TIAM1: variants seen among roughly 807,000 people sequenced by gnomAD.
TIAM1 encodes the protein TIAM Rac1 associated GEF 1.
A neutral mutation model predicts 163.5 loss-of-function variants in TIAM1; 65 were observed. The observed-to-expected ratio is 0.40, with a 90% CI of 0.33 to 0.49. TIAM1 has a LOEUF of 0.49. Ranked by LOEUF, TIAM1 falls within the 20% of genes least tolerant of loss-of-function variation. The probability of loss-of-function intolerance (pLI) is 0.77; values close to 1 mark genes in which losing one functional copy is unlikely to be tolerated. For synonymous variants in TIAM1, 833 were observed against 810.1 expected (o/e 1.03, Z -0.48); for missense variants, 1,789 against 2,044.7 (o/e 0.87, Z 2.41).
At chr21:31,128,524 GGC>G (rs2082293932) in intron 25 of TIAM1, among the ~76,000 whole-genome samples, 1 of 152,068 alleles carries the variant, frequency 6.6e-6, no homozygotes, top group Non-Finnish European at 1.5e-5. Flanking sequence ...TTGTAAACCT[GGC>G]ATGAGGAAAC....
intron 3 of TIAM1, among the ~76,000 whole-genome samples, chr21:31,273,983 G>A (rs563803392): frequency 6.6e-5 from 10 of 152,272 alleles, no homozygotes; most frequent in African/African-American, 2.4e-4. Context: ...CTGGGGGGCC[G>A]AGGTAGTTGG....
rs1209010040 is a variant in TIAM1, at chr21:31,120,976, G to T, written c.4307-139C>A. 3.9e-6 allele frequency: 3 copies of T among 766,580 alleles called. No homozygotes were observed. The highest frequency in any genetic ancestry group is 1.8e-5 in the African/African-American group (1 of 56,934). 47.5% of individuals were successfully genotyped at this position (766,580 alleles called of 1,614,324 possible). A position where few individuals can be genotyped will look rare whatever the true frequency, so the allele number is the denominator to read the frequency against. On this transcript the variant is annotated intron_variant, in intron 27 of 27. Coordinates refer to ENST00000541036, the MANE Select transcript of TIAM1 (RefSeq NM_001353694.2). The surrounding 1 kb of genome is among the most constrained non-coding windows in gnomAD (Gnocchi z 4.2). ...GCCTTGATGTCTTTTGGGGCTTAAAGTCTACATATCACCAATCTGTCATGG... is the reference window on the plus strand; with the variant it reads ...GCCTTGATGTCTTTTGGGGCTTAAATTCTACATATCACCAATCTGTCATGG...
chr21:31,554,614 C>T (rs527741081), intron 1 of TIAM1, among the ~76,000 whole-genome samples: 47 of 152,326 alleles, frequency 3.1e-4, no homozygotes, highest in African/African-American at 1.1e-3. Context: ...AAGAAACTTC[C>T]TCCCACAGAG....
intron 2 of TIAM1, among the ~76,000 whole-genome samples, chr21:31,297,689 G>A (rs2074338317): frequency 6.6e-6 from 1 of 152,170 alleles, no homozygotes; most frequent in Non-Finnish European, 1.5e-5. Flanking sequence ...CGGCCAATGG[G>A]AATGTACTTA....
chr21:31,234,608 C>T (rs1464875121), intron 6 of TIAM1, among the ~76,000 whole-genome samples: 1 of 151,910 alleles, frequency 6.6e-6, no homozygotes, highest in Non-Finnish European at 1.5e-5. Context: ...TGGCAAAACC[C>T]CGTCTCTACA....
intron 6 of TIAM1, among the ~76,000 whole-genome samples, chr21:31,239,795 T>C (rs1023019644): frequency 6.6e-6 from 1 of 152,178 alleles, no homozygotes; most frequent in Non-Finnish European, 1.5e-5. Context: ...CTCAATTTCA[T>C]ATTAATATCT....
chr21:31,388,259 A>ACACAC (rs1555964695), intron 2 of TIAM1, among the ~76,000 whole-genome samples: 3,542 of 98,072 alleles, frequency 0.036, 81 homozygotes, highest in Middle Eastern at 0.065. Context: ...ACACACACAC[A>ACACAC]ACCTCTTACG....
chr21:31,426,405 A>G (rs1425687018), intron 2 of TIAM1, among the ~76,000 whole-genome samples: 1 of 152,190 alleles, frequency 6.6e-6, no homozygotes, highest in African/African-American at 2.4e-5. Flanking sequence ...CTTTAGGTTG[A>G]GTTAGAAAAC....
chr21:31,449,334 G>A lies in TIAM1; in HGVS notation c.-369+14649C>T, dbSNP rs1319634543. The stretch of plus-strand genomic sequence containing the variant: ...TAGCCCAATACCAGACACATACTAG[G>A]TGCTCAAAAAAACAGTCATAGTTCT... On this transcript the variant is annotated intron_variant, in intron 2 of 28. Coordinates refer to the TIAM1 transcript ENST00000286827. Among the ~76,000 whole-genome samples the A allele has an allele frequency of 2.6e-5, 4 of 151,620 alleles. No individual in the cohort carries two copies. The East Asian group carries it at 7.8e-4, about 30-fold the overall frequency.
chr21:31,235,438 T>G (rs2146678497), intron 6 of TIAM1, among the ~76,000 whole-genome samples: 1 of 152,304 alleles, frequency 6.6e-6, no homozygotes, highest in South Asian at 2.1e-4. Flanking sequence ...TATGGGAAGA[T>G]GAGGAAAGAA....
chr21:31,214,229 A>G (rs112097102), intron 9 of TIAM1, among the ~76,000 whole-genome samples: 15,111 of 151,942 alleles, frequency 0.099, 2,379 homozygotes, highest in African/African-American at 0.34. Context: ...GGAAGCTGAG[A>G]TGGGAGGATC....
At chr21:31,294,470 T>C (rs1348293124) in intron 2 of TIAM1, among the ~76,000 whole-genome samples, 2 of 152,100 alleles carry the variant, frequency 1.3e-5, no homozygotes, top group Non-Finnish European at 2.9e-5. Flanking sequence ...AGAACATACA[T>C]AGTGGGTAAG....
chr21:31,296,811 G>C (rs930562262), intron 2 of TIAM1, among the ~76,000 whole-genome samples: 1 of 152,088 alleles, frequency 6.6e-6, no homozygotes, highest in Non-Finnish European at 1.5e-5. Context: ...CTACAGGCAT[G>C]TGCCACCACG....
chr21:31,393,653 T>A (rs2833394), intron 2 of TIAM1, among the ~76,000 whole-genome samples: 36,886 of 152,106 alleles, frequency 0.24, 4,747 homozygotes, highest in Middle Eastern at 0.48. Flanking sequence ...CTCCTTGGAC[T>A]TCAGTTGTTT....
At chr21:31,174,621 T>C (rs1296829854) in intron 15 of TIAM1, among the ~76,000 whole-genome samples, 1 of 152,220 alleles carries the variant, frequency 6.6e-6, no homozygotes, top group Non-Finnish European at 1.5e-5. Flanking sequence ...CTGGAACTTT[T>C]ATTATTTTTA....
intron 2 of TIAM1, among the ~76,000 whole-genome samples, chr21:31,388,212 A>AACACAC (rs11369323): frequency 0.028 from 3,234 of 115,844 alleles, 78 homozygotes; most frequent in African/African-American, 0.066. Context: ...AGAAGACCCT[A>AACACAC]ACACACACAC....
intron 13 of TIAM1, among the ~76,000 whole-genome samples, chr21:31,188,877 GT>G (rs1253609885): frequency 6.6e-6 from 1 of 151,348 alleles, no homozygotes; most frequent in Non-Finnish European, 1.5e-5. Context: ...CCTGGCCCCA[GT>G]TTTTTTTCTA....
chr21:31,226,947 T>A (rs2088015174), intron 6 of TIAM1, among the ~76,000 whole-genome samples: 1 of 147,848 alleles, frequency 6.8e-6, no homozygotes. Context: ...TATACAAAAT[T>A]CTGTGTTTTT....
At chr21:31,470,365 C>T (rs1326863429) in intron 1 of TIAM1, among the ~76,000 whole-genome samples, 2 of 149,422 alleles carry the variant, frequency 1.3e-5, no homozygotes, top group South Asian at 2.2e-4. Flanking sequence ...CAGAGTTTCA[C>T]TCTTGTTGCC....
Sources: gnomAD v4.1 joint callset for allele counts (sites outside exome capture counted in the v4.1 genomes callset) on GRCh38, gnomAD v4.1.1 for gene constraint, Gnocchi (gnomAD v3.1) non-coding constraint, MANE v1.5 for transcripts, NCBI Gene and HGNC (gene_info 2026-07-23, HGNC 2026-07-21) for gene names.